Variants in SPEF2 observed in about 807,000 individuals in gnomAD.
SPEF2 encodes sperm flagella and cilia-associated protein 2.
SPEF2 carries 187 observed loss-of-function variants against 224.6 expected under a neutral mutation model. The observed-to-expected ratio is 0.83, with a 90% CI of 0.74 to 0.94. The LOEUF is 0.94. Among genes scored for constraint, SPEF2 ranks in the 40% least tolerant of loss-of-function variants. The probability of loss-of-function intolerance (pLI) is 0.00; values close to 1 mark genes in which losing one functional copy is unlikely to be tolerated. For synonymous variants in SPEF2, 715 were observed against 707.3 expected, an observed-to-expected ratio of 1.01 and a Z score of -0.17; for missense variants, 2,170 against 2,135.6, an observed-to-expected ratio of 1.02 and a Z score of -0.32.
At position 35,684,558 on chromosome 5, in the gene SPEF2, G is replaced by C. The variant is rs1410364096; in HGVS notation, c.1525-6479G>C. On this transcript the variant is annotated intron_variant, in intron 10 of 36. Transcript: ENST00000356031. ...TCAGATTGGAGTGCAGCTGGATGTGGCGCTCTTACATGCCTCCAGCAGCTG... is the reference window on the plus strand; with the variant it reads ...TCAGATTGGAGTGCAGCTGGATGTGCCGCTCTTACATGCCTCCAGCAGCTG... Among the ~76,000 whole-genome samples the C allele has an allele frequency of 3.3e-5, 5 of 152,156 alleles. No homozygotes were observed. The South Asian group carries it at 1.0e-3, about 31-fold the overall frequency.
At chr5:35,710,974 A>G (rs1440303114) in intron 19 of SPEF2, 2 of 764,922 alleles carry the variant, frequency 2.6e-6, no homozygotes, top group Non-Finnish European at 3.2e-6. Context: ...TGTGATGGAC[A>G]TTGATAGGGC....
chr5:35,775,794 A>G (rs1753534276), intron 28 of SPEF2, among the ~76,000 whole-genome samples: 1 of 152,126 alleles, frequency 6.6e-6, no homozygotes, highest in South Asian at 2.1e-4. Context: ...AACTGGAAAA[A>G]TTTTGGAGAT....
At chr5:35,622,339 T>TAA (rs1743642610) in intron 1 of SPEF2, among the ~76,000 whole-genome samples, 2 of 152,212 alleles carry the variant, frequency 1.3e-5, no homozygotes, top group Admixed American at 1.3e-4. Context: ...GGATCATAGT[T>TAA]TATTTTAAGA....
intron 2 of SPEF2, among the ~76,000 whole-genome samples, chr5:35,640,589 T>C (rs977519): frequency 0.34 from 51,249 of 152,116 alleles, 9,749 homozygotes; most frequent in East Asian, 0.48. Flanking sequence ...TAAAAAAGTA[T>C]ATTTAGTCTC....
chr5:35,621,540 T>C (rs1743509770), intron 1 of SPEF2, among the ~76,000 whole-genome samples: 1 of 152,208 alleles, frequency 6.6e-6, no homozygotes, highest in African/African-American at 2.4e-5. Context: ...TGTATTCACT[T>C]GAGCTCTTTT....
intron 11 of SPEF2, 83 bp downstream of exon 11, chr5:35,691,339 C>A: frequency 9.1e-7 from 1 of 1,100,836 alleles, no homozygotes; most frequent in Non-Finnish European, 1.3e-6. Context: ...GTATAAAAAA[C>A]ATACAAGAAG....
In SPEF2 at chr5:35,646,818, A is replaced by G; in HGVS notation, c.726+11A>G. 1 of 1,613,200 alleles carries G rather than the reference A, an allele frequency of 6.2e-7. No individual in the cohort carries two copies. The highest frequency in any genetic ancestry group is 1.3e-5 in the African/African-American group (1 of 74,966). ...AAAAAAGAGGCAGAAGTAAGTGATA[A>G]TCCTTTAATATTGTGCTGTGTTTAT... On this transcript the variant is annotated intron_variant, in intron 5 of 36. Transcript: ENST00000356031.
intron 34 of SPEF2, among the ~76,000 whole-genome samples, chr5:35,802,396 A>G (rs1757540216): frequency 6.6e-6 from 1 of 152,154 alleles, no homozygotes; most frequent in African/African-American, 2.4e-5. Context: ...TTGAGCACCT[A>G]CGTGTGCTGG....
intron 10 of SPEF2, among the ~76,000 whole-genome samples, chr5:35,690,564 C>G (rs1403617965): frequency 6.6e-6 from 1 of 152,080 alleles, no homozygotes; most frequent in East Asian, 1.9e-4. Context: ...TTCCCTCCAT[C>G]TGATCATTTG....
At chr5:35,656,050 A>T (rs1748913032) in intron 7 of SPEF2, among the ~76,000 whole-genome samples, 1 of 152,180 alleles carries the variant, frequency 6.6e-6, no homozygotes, top group Non-Finnish European at 1.5e-5. Flanking sequence ...AGACTTATTG[A>T]TTCATTAAAC....
chr5:35,659,043 A>T lies in SPEF2; in HGVS notation c.1003A>T (p.Ile335Phe). Reference protein sequence around the residue: ...QEEAYREEQLINRLMRQSQQE... With the variant: ...QEEAYREEQLFNRLMRQSQQE... Reference sequence around the variant, plus strand: ...GGAGGCTTATCGGGAGGAACAGCTGATTAACCGGCTGATGCGGCAGTCCCA... The same window carrying T: ...GGAGGCTTATCGGGAGGAACAGCTGTTTAACCGGCTGATGCGGCAGTCCCA... The change falls in exon 8 of 37, where the codon ATT becomes TTT. Residue 335 changes from isoleucine (I) to phenylalanine (F), a missense_variant. Ile to Phe is a conservative substitution (Grantham distance 21). Coordinates refer to ENST00000356031, the MANE Select transcript of SPEF2 (RefSeq NM_024867.4). 1.9e-6 allele frequency: 3 copies of T among 1,580,278 alleles called. No individual in the cohort carries two copies. The highest frequency in any genetic ancestry group is 2.6e-6 in the Non-Finnish European group (3 of 1,159,958).
chr5:35,734,868 C>A (rs763130540), intron 21 of SPEF2, among the ~76,000 whole-genome samples: 1 of 151,748 alleles, frequency 6.6e-6, no homozygotes, highest in Non-Finnish European at 1.5e-5. Flanking sequence ...CATGCCACCA[C>A]GCCTGGCTAA....
At chr5:35,622,006 C>T (rs995288657) in intron 1 of SPEF2, among the ~76,000 whole-genome samples, 2 of 152,182 alleles carry the variant, frequency 1.3e-5, no homozygotes, top group East Asian at 3.9e-4. Context: ...GTGAATTATT[C>T]TACTGTTAAG....
rs147283724 is a variant in SPEF2 at position 35,635,005 on chromosome 5, T to C, written c.162-6426T>C. Among the ~76,000 whole-genome samples the C allele has an allele frequency of 2.1e-3, 326 of 152,238 alleles. 1 individual carries two copies. Among genetic ancestry groups the C allele is most frequent in the African/African-American group, 7.5e-3 (313 of 41,572 alleles). The stretch of plus-strand genomic sequence containing the variant: ...CAGACTTTTCTTATTTTCGATGATC[T>C]TGACAGTTTTGAAGAATACTAGCGA... On this transcript the variant is annotated intron_variant, in intron 2 of 36. Coordinates refer to ENST00000356031, the MANE Select transcript of SPEF2 (RefSeq NM_024867.4).
chr5:35,707,738 C>G (rs10064633), intron 18 of SPEF2, among the ~76,000 whole-genome samples: 2,919 of 152,208 alleles, frequency 0.019, 104 homozygotes, highest in African/African-American at 0.068. Flanking sequence ...TGCTCCATCC[C>G]TCCAGGCATC....
intron 14 of SPEF2, among the ~76,000 whole-genome samples, chr5:35,696,207 G>C (rs1431213114): frequency 2.0e-5 from 3 of 152,062 alleles, no homozygotes; most frequent in African/African-American, 4.8e-5. Flanking sequence ...GTTTACAACA[G>C]TTCACTCACT....
chr5:35,650,497 G>A (rs1367774318), intron 6 of SPEF2, among the ~76,000 whole-genome samples: 1 of 152,028 alleles, frequency 6.6e-6, no homozygotes, highest in Non-Finnish European at 1.5e-5. Context: ...CTAACCATAG[G>A]CTCTGTGGTG....
chr5:35,660,649 G>A (rs1749569406), intron 8 of SPEF2, among the ~76,000 whole-genome samples: 1 of 152,132 alleles, frequency 6.6e-6, no homozygotes, highest in African/African-American at 2.4e-5. Context: ...CTGGATGATT[G>A]TTTCATCTCT....
At chr5:35,786,402 G>A (rs1755127994) in intron 30 of SPEF2, among the ~76,000 whole-genome samples, 3 of 152,266 alleles carry the variant, frequency 2.0e-5, no homozygotes, top group African/African-American at 7.2e-5. Context: ...GCTCACGCCA[G>A]TAATCCCAGC....
Sources: gnomAD v4.1 joint callset for allele counts (sites outside exome capture counted in the v4.1 genomes callset) on GRCh38, gnomAD v4.1.1 for gene constraint, MANE v1.5 for transcripts, NCBI Gene and HGNC (gene_info 2026-07-23, HGNC 2026-07-21) for gene names.